Variants in CACNA2D3 observed in about 807,000 individuals in gnomAD.
The protein encoded by CACNA2D3 is calcium voltage-gated channel auxiliary subunit alpha2delta 3.
Under a neutral mutation model 160.6 loss-of-function variants are expected in CACNA2D3, and 60 were observed. That is an observed-to-expected ratio of 0.37 (90% CI 0.30 to 0.46). CACNA2D3 has a LOEUF of 0.46. Ranked by LOEUF, CACNA2D3 falls within the 20% of genes least tolerant of loss-of-function variation. The pLI is 1.00. For synonymous variants in CACNA2D3, 558 were observed against 492.9 expected, an observed-to-expected ratio of 1.13 and a Z score of -1.75; for missense variants, 1,205 against 1,365.0, an observed-to-expected ratio of 0.88 and a Z score of 1.85.
intron 32 of CACNA2D3, among the ~76,000 whole-genome samples, chr3:55,005,424 G>A (rs1381716126): frequency 1.3e-5 from 2 of 152,234 alleles, no homozygotes; most frequent in Non-Finnish European, 2.9e-5. Context: ...GAAAAAGGGA[G>A]AAGTTTTGTT....
chr3:54,863,599 G>A (rs1046318787), intron 17 of CACNA2D3, among the ~76,000 whole-genome samples: 3 of 152,144 alleles, frequency 2.0e-5, no homozygotes, highest in Non-Finnish European at 2.9e-5. Flanking sequence ...AAAAACGGTG[G>A]TGGGCTAAGC....
intron 2 of CACNA2D3, among the ~76,000 whole-genome samples, chr3:54,231,802 C>A (rs1308853577): frequency 6.6e-6 from 1 of 150,534 alleles, no homozygotes; most frequent in Non-Finnish European, 1.5e-5. Context: ...CGTCATATTC[C>A]ATTCCGTAGA....
chr3:54,469,907 G>T (rs1028166419), intron 4 of CACNA2D3, among the ~76,000 whole-genome samples: 2 of 152,038 alleles, frequency 1.3e-5, no homozygotes, highest in African/African-American at 2.4e-5. Context: ...AAGGCAAAAA[G>T]CCTCCAAGAA....
At chr3:55,057,223 A>G (rs928303062) in intron 35 of CACNA2D3, among the ~76,000 whole-genome samples, 1 of 152,178 alleles carries the variant, frequency 6.6e-6, no homozygotes, top group Non-Finnish European at 1.5e-5. Context: ...CCGTGAGTCA[A>G]TTAAACCTTT....
At chr3:54,403,371 A>T (rs1443256678) in intron 4 of CACNA2D3, among the ~76,000 whole-genome samples, 1 of 150,752 alleles carries the variant, frequency 6.6e-6, no homozygotes, top group Non-Finnish European at 1.5e-5. Flanking sequence ...ACACACACAC[A>T]CACACACACA....
Position 54,122,723 on chromosome 3 carries a change from C to T in CACNA2D3, c.10C>T (p.Pro4Ser), listed in dbSNP as rs953912496. MAGPGSPRRASRGA... is the reference protein window; with the variant it reads MAGSGSPRRASRGA... ...TCGGAGGGAGCCCAGCATGGCCGGG[C>T]CGGGCTCGCCGCGCCGCGCGTCCCG... Residue 4 changes from proline (P) to serine (S), a missense_variant, in exon 1 of 38, where the codon CCG becomes TCG. Pro to Ser is a moderately conservative substitution (Grantham distance 74, BLOSUM62 -1). This residue lies in a region of CACNA2D3 where 163 missense variants were observed against 161.3 expected (regional missense o/e 1.01). Transcript: ENST00000474759. 25 of 1,199,900 alleles carry T rather than the reference C, an allele frequency of 2.1e-5. No individual in the cohort carries two copies. The African/African-American group carries it at 4.0e-4, about 19-fold the overall frequency. 74.3% of individuals were successfully genotyped at this position (1,199,900 alleles called of 1,614,324 possible). A position where few individuals can be genotyped will look rare whatever the true frequency, so the allele number is the denominator to read the frequency against.
chr3:54,549,717 C>CT (rs1238926667), intron 5 of CACNA2D3, among the ~76,000 whole-genome samples: 1 of 152,212 alleles, frequency 6.6e-6, no homozygotes, highest in African/African-American at 2.4e-5. Flanking sequence ...GTGACAGCTC[C>CT]TTAATTGCTA....
chr3:54,861,110 C>T (rs937020960), intron 17 of CACNA2D3, among the ~76,000 whole-genome samples: 3 of 152,004 alleles, frequency 2.0e-5, no homozygotes, highest in Non-Finnish European at 4.4e-5. Flanking sequence ...ATGCTTAGGA[C>T]CTAGTAGGGG....
rs1250624256 is a variant in CACNA2D3 at position 54,329,030 on chromosome 3, G to A, written c.321+8472G>A. Among the ~76,000 whole-genome samples, 4 of 151,294 alleles carry A rather than the reference G, an allele frequency of 2.6e-5. No homozygotes were observed. In the South Asian group the frequency reaches 6.2e-4, roughly 24 times the overall value. On this transcript the variant is annotated intron_variant, in intron 3 of 37. Transcript: ENST00000474759. Reference sequence around the variant, plus strand: ...TGAGCTTGGTGCAGCCCCTCTCACCGGGAAGGGGTCCTGTTCCCAGATGGC... The same window carrying A: ...TGAGCTTGGTGCAGCCCCTCTCACCAGGAAGGGGTCCTGTTCCCAGATGGC...
intron 27 of CACNA2D3, among the ~76,000 whole-genome samples, chr3:54,967,604 G>C (rs79947003): frequency 0.014 from 2,134 of 152,248 alleles, 62 homozygotes; most frequent in African/African-American, 0.047. Flanking sequence ...AGTATTCCCT[G>C]TAGTCTCATT....
At chr3:54,574,484 C>T (rs1559516578) in intron 8 of CACNA2D3, among the ~76,000 whole-genome samples, 1 of 152,152 alleles carries the variant, frequency 6.6e-6, no homozygotes, top group African/African-American at 2.4e-5. Context: ...TTTTAGCTCT[C>T]ATGGGCAAGG....
At chr3:54,124,525 GTTAAC>G (rs1331546388) in intron 2 of CACNA2D3, among the ~76,000 whole-genome samples, 1 of 152,122 alleles carries the variant, frequency 6.6e-6, no homozygotes, top group African/African-American at 2.4e-5. Flanking sequence ...AAATTGTTAA[GTTAAC>G]TTTTAAACAT....
chr3:54,141,693 A>T (rs1463086805), intron 2 of CACNA2D3, among the ~76,000 whole-genome samples: 1 of 152,190 alleles, frequency 6.6e-6, no homozygotes, highest in Non-Finnish European at 1.5e-5. Context: ...TACATCAATA[A>T]CACATTCTTT....
At chr3:54,162,286 G>T (rs1398089637) in intron 2 of CACNA2D3, among the ~76,000 whole-genome samples, 1 of 152,166 alleles carries the variant, frequency 6.6e-6, no homozygotes. Flanking sequence ...CACGGGAGGG[G>T]TGGCCTGTGT....
intron 17 of CACNA2D3, among the ~76,000 whole-genome samples, chr3:54,847,434 T>C (rs909855657): frequency 6.6e-6 from 1 of 152,204 alleles, no homozygotes; most frequent in African/African-American, 2.4e-5. Flanking sequence ...TTCATCAGAA[T>C]GAGAAAGTAG....
intron 29 of CACNA2D3, among the ~76,000 whole-genome samples, chr3:54,974,112 G>C (rs1702332872): frequency 6.6e-6 from 1 of 152,242 alleles, no homozygotes; most frequent in Middle Eastern, 3.2e-3. Flanking sequence ...AGCTCAGCCA[G>C]TCAGCCGGGA....
intron 11 of CACNA2D3, among the ~76,000 whole-genome samples, chr3:54,651,647 A>G (rs1264359882): frequency 2.0e-5 from 3 of 152,052 alleles, no homozygotes; most frequent in Admixed American, 2.0e-4. Flanking sequence ...CTGGTGTCAC[A>G]TGCATCTTCG....
At chr3:54,246,592 CG>C (rs1053397453) in intron 2 of CACNA2D3, among the ~76,000 whole-genome samples, 1 of 149,270 alleles carries the variant, frequency 6.7e-6, no homozygotes, top group Non-Finnish European at 1.5e-5. Flanking sequence ...ACTTGGGAGG[CG>C]GCTGTCTGTA....
rs1326084827 is a variant in CACNA2D3 at position 54,341,864 on chromosome 3, C to T, written c.321+21306C>T. 3.9e-5 allele frequency among the ~76,000 whole-genome samples: 6 copies of T among 152,090 alleles called. No individual in the cohort carries two copies. The East Asian group carries it at 1.2e-3, about 29-fold the overall frequency. ...GCATGCTGAGTACTTAGCATAGTGC[C>T]TGGGTCAATAATGATAGTACTTGTT... On this transcript the variant is annotated intron_variant, in intron 3 of 37. Transcript: ENST00000474759.
Sources: gnomAD v4.1 joint callset for allele counts (sites outside exome capture counted in the v4.1 genomes callset) on GRCh38, gnomAD v4.1.1 for gene constraint, gnomAD v4.1.1 regional missense constraint, MANE v1.5 for transcripts, NCBI Gene and HGNC (gene_info 2026-07-23, HGNC 2026-07-21) for gene names.